The following PPME1 variants were observed in gnomAD, a reference collection of about 807,000 sequenced individuals.
PPME1 encodes protein phosphatase methylesterase 1, also known as testicular secretory protein Li 39.
In PPME1, 17 loss-of-function variants were observed where a neutral mutation model predicts 56.9. The observed-to-expected ratio is 0.30, with a 90% CI of 0.20 to 0.45. PPME1 has a LOEUF of 0.45. Ranked by LOEUF, PPME1 falls within the 20% of genes least tolerant of loss-of-function variation. The probability of loss-of-function intolerance (pLI) is 1.00; values close to 1 mark genes in which losing one functional copy is unlikely to be tolerated. For missense variants in PPME1, 357 were observed against 483.2 expected (o/e 0.74, Z 2.45); for synonymous variants, 122 against 156.2 (o/e 0.78, Z 1.63).
At chr11:74,172,272 CAG>C (rs1162411941) in intron 1 of PPME1, among the ~76,000 whole-genome samples, 3 of 151,602 alleles carry the variant, frequency 2.0e-5, no homozygotes, top group African/African-American at 7.3e-5. Flanking sequence ...GAAGAATTTA[CAG>C]AGTGAGAAGC....
At position 74,230,936 on chromosome 11, in the gene PPME1, G is replaced by T; in HGVS notation, c.578G>T (p.Ser193Ile). The T allele has an allele frequency of 6.2e-7, 1 of 1,603,838 alleles. No individual in the cohort carries two copies. Among genetic ancestry groups the T allele is most frequent in the Non-Finnish European group, 8.5e-7 (1 of 1,174,934 alleles). ...VEGTAMDALN[S>I]MQNFLRGRPK... ...GGTACAGCTATGGATGCACTTAATA[G>T]CATGCAGAATTTCTTACGGGGTCGT... Residue 193 changes from serine (S) to isoleucine (I), a missense_variant, in exon 7 of 14, where the codon AGC becomes ATC. Around this residue, in one of 2 missense-constraint regions of PPME1, gnomAD observed 182 missense variants for 293.8 expected, o/e 0.62. Coordinates refer to ENST00000328257, the MANE Select transcript of PPME1 (RefSeq NM_016147.3). This position sits in a 1 kb window ranked among gnomAD's most constrained non-coding sequence, Gnocchi z 4.9.
rs147189814 is a variant in PPME1, at chr11:74,185,803, C to T, written c.101+14281C>T. ...CTTTATTATCAAAGGTATAAGATTA[C>T]ACCTGTTCTCCCTGTGCTACAGCAG... On this transcript the variant is annotated intron_variant, in intron 1 of 13. Transcript: ENST00000328257. Among the ~76,000 whole-genome samples the T allele has an allele frequency of 1.6e-3, 251 of 152,250 alleles. 2 individuals carry two copies. The highest frequency in any genetic ancestry group is 4.9e-3 in the African/African-American group (203 of 41,542).
In PPME1 at chr11:74,246,063, C is replaced by G; in HGVS notation, c.835-13C>G. 2 of 1,576,498 alleles carry G rather than the reference C, an allele frequency of 1.3e-6. No individual in the cohort carries two copies. The highest frequency in any genetic ancestry group is 2.3e-5 in the East Asian group (1 of 43,274). ...TGCCCTCGGAGACTCAGAACTTGCTCTTATTCCTCCAGACCAAGAAAGACC... is the reference window on the plus strand; with the variant it reads ...TGCCCTCGGAGACTCAGAACTTGCTGTTATTCCTCCAGACCAAGAAAGACC... On this transcript the variant is annotated splice_polypyrimidine_tract_variant and intron_variant, in intron 9 of 13. Coordinates refer to ENST00000328257, the MANE Select transcript of PPME1 (RefSeq NM_016147.3).
At chr11:74,208,762 G>A (rs925103625) in intron 3 of PPME1, among the ~76,000 whole-genome samples, 3 of 152,184 alleles carry the variant, frequency 2.0e-5, no homozygotes, top group East Asian at 1.9e-4. Context: ...TGTGGTAGAT[G>A]AGGGGACTAC....
At chr11:74,180,208 C>T (rs1416044843) in intron 1 of PPME1, among the ~76,000 whole-genome samples, 1 of 152,070 alleles carries the variant, frequency 6.6e-6, no homozygotes, top group African/African-American at 2.4e-5. Flanking sequence ...TCATTATCTC[C>T]TAGTAGGCAT....
At chr11:74,220,340 C>T (rs1464673116) in intron 3 of PPME1, among the ~76,000 whole-genome samples, 12 of 152,150 alleles carry the variant, frequency 7.9e-5, no homozygotes, top group Admixed American at 5.9e-4. Context: ...TCTCTAGTCT[C>T]GGGTTAGGAT....
intron 3 of PPME1, chr11:74,205,624 T>A (rs1443274372): frequency 6.6e-6 from 1 of 152,266 alleles, no homozygotes; most frequent in African/African-American, 2.4e-5. Flanking sequence ...GTCTCTTCTT[T>A]TAGATCATGA....
chr11:74,219,866 A>G (rs1858751791), intron 3 of PPME1, among the ~76,000 whole-genome samples: 1 of 152,172 alleles, frequency 6.6e-6, no homozygotes, highest in South Asian at 2.1e-4. Flanking sequence ...ACTACAGTCA[A>G]CAATAGTTTA....
intron 1 of PPME1, among the ~76,000 whole-genome samples, chr11:74,184,185 A>G (rs1311163213): frequency 6.6e-6 from 1 of 152,178 alleles, no homozygotes; most frequent in East Asian, 1.9e-4. Flanking sequence ...AGCTTGTTTC[A>G]TTTAATCCTT....
rs1859021484 is a variant in PPME1, at chr11:74,229,785, A to G, written c.399-460A>G. On this transcript the variant is annotated intron_variant, in intron 5 of 13. Coordinates refer to ENST00000328257, the MANE Select transcript of PPME1 (RefSeq NM_016147.3). ...GATTAAGTAACTAACCCAAGATCACATAGTGAAAAATAAACTGAGGCTAGG... is the reference window on the plus strand; with the variant it reads ...GATTAAGTAACTAACCCAAGATCACGTAGTGAAAAATAAACTGAGGCTAGG... Among the ~76,000 whole-genome samples, 3 of 152,240 alleles carry G rather than the reference A, an allele frequency of 2.0e-5. No individual in the cohort carries two copies. The South Asian group carries it at 6.2e-4, about 31-fold the overall frequency.
chr11:74,177,128 T>G (rs1297340752), intron 1 of PPME1, among the ~76,000 whole-genome samples: 1 of 152,182 alleles, frequency 6.6e-6, no homozygotes, highest in African/African-American at 2.4e-5. Flanking sequence ...TATTAAATTT[T>G]TTAGTCCTTT....
intron 5 of PPME1, among the ~76,000 whole-genome samples, chr11:74,229,812 C>T (rs1306634728): frequency 6.6e-6 from 1 of 152,118 alleles, no homozygotes; most frequent in Non-Finnish European, 1.5e-5. Context: ...GAGGCTAGGG[C>T]TCATCTTGTG....
intron 11 of PPME1, chr11:74,250,123 C>G (rs1859617743): frequency 6.6e-6 from 1 of 152,138 alleles, no homozygotes; most frequent in South Asian, 2.1e-4. Context: ...GGGGTAAGAA[C>G]CACAGGATGT....
intron 5 of PPME1, among the ~76,000 whole-genome samples, chr11:74,227,471 G>A (rs933154270): frequency 1.4e-5 from 2 of 141,486 alleles, no homozygotes; most frequent in Non-Finnish European, 3.0e-5. Context: ...TTCAGTTACT[G>A]TGGAAAAAAA....
intron 12 of PPME1, 143 bp from the exon 13 acceptor site, chr11:74,251,505 A>G (rs1456529429): frequency 2.1e-6 from 3 of 1,459,364 alleles, no homozygotes; most frequent in East Asian, 2.5e-5. Flanking sequence ...GGGAGGGCCT[A>G]GGTCCTTTTA....
At chr11:74,203,577 T>C (rs1858231585) in intron 1 of PPME1, 151 bp from the exon 2 acceptor site, 2 of 474,504 alleles carry the variant, frequency 4.2e-6, no homozygotes, top group Non-Finnish European at 7.4e-6. Flanking sequence ...AATACATTTT[T>C]AATATGATAC....
intron 1 of PPME1, among the ~76,000 whole-genome samples, chr11:74,187,454 T>G (rs1857715867): frequency 6.6e-6 from 1 of 152,258 alleles, no homozygotes; most frequent in African/African-American, 2.4e-5. Context: ...ATCTTGCATT[T>G]ATTTGGCTAT....
chr11:74,222,545 GTGGCACAATCTCAGCTCAC>G, intron 4 of PPME1, 176 bp downstream of exon 4: 1 of 586,586 alleles, frequency 1.7e-6, no homozygotes, highest in Middle Eastern at 3.4e-4. Flanking sequence ...CTGGGGTGCA[GTGGCACAATCTCAGCTCAC>G]TGCAACCTCT....
chr11:74,196,647 A>C (rs962897166), intron 1 of PPME1, among the ~76,000 whole-genome samples: 2 of 59,278 alleles, frequency 3.4e-5, no homozygotes, highest in Admixed American at 1.7e-4. Flanking sequence ...GTTTACTAAG[A>C]AAGTAAAGTG....
Sources: allele counts gnomAD v4.1 joint callset (sites outside exome capture counted in the v4.1 genomes callset), GRCh38; gene constraint gnomAD v4.1.1; regional missense constraint gnomAD v4.1.1; non-coding constraint Gnocchi (gnomAD v3.1); transcripts MANE v1.5; gene names NCBI Gene and HGNC (gene_info 2026-07-23, HGNC 2026-07-21).